Variants in LHFPL3 observed in about 807,000 individuals in gnomAD.
The protein encoded by LHFPL3 is LHFPL tetraspan subfamily member 3 protein.
LHFPL3 carries 5 observed loss-of-function variants against 19.3 expected under a neutral mutation model. The observed-to-expected ratio is 0.26, with a 90% CI of 0.14 to 0.54. The LOEUF (loss-of-function observed/expected upper bound fraction) is 0.54, where lower values mean the gene tolerates loss of function less well. LHFPL3 is among the 20% of genes least tolerant of loss of function. The pLI, the probability that LHFPL3 is intolerant of heterozygous loss-of-function variation, is 0.94. For synonymous variants in LHFPL3, 133 were observed against 126.2 expected (o/e 1.05, Z -0.36); for missense variants, 249 against 307.4 (o/e 0.81, Z 1.42).
At chr7:104,864,178 C>T (rs1791671426) in intron 2 of LHFPL3, among the ~76,000 whole-genome samples, 1 of 152,306 alleles carries the variant, frequency 6.6e-6, no homozygotes, top group Admixed American at 6.5e-5. Context: ...CTACAGCTCC[C>T]AGCATGAGCA....
At chr7:104,453,238 AT>A (rs71519177) in intron 1 of LHFPL3, among the ~76,000 whole-genome samples, 3,181 of 146,748 alleles carry the variant, frequency 0.022, 31 homozygotes, top group African/African-American at 0.029. Context: ...AAGGTGGAGA[AT>A]TTTTTTTTTT....
chr7:104,848,887 T>C (rs1374628479), intron 2 of LHFPL3, among the ~76,000 whole-genome samples: 2 of 152,010 alleles, frequency 1.3e-5, no homozygotes, highest in African/African-American at 4.8e-5. Flanking sequence ...CTCTGCCTTT[T>C]TTTGTTTTTT....
At chr7:104,851,466 T>C (rs1426800478) in intron 2 of LHFPL3, among the ~76,000 whole-genome samples, 1 of 152,168 alleles carries the variant, frequency 6.6e-6, no homozygotes, top group Non-Finnish European at 1.5e-5. Flanking sequence ...CTCAAGAGGA[T>C]AGCTGATTAT....
chr7:104,758,808 C>T (rs1262921335), intron 2 of LHFPL3, among the ~76,000 whole-genome samples: 1 of 152,038 alleles, frequency 6.6e-6, no homozygotes, highest in Non-Finnish European at 1.5e-5. Flanking sequence ...CATTAGAATG[C>T]TCTCTGAGTC....
At chr7:104,578,362 TA>T (rs1271578234) in intron 1 of LHFPL3, among the ~76,000 whole-genome samples, 15 of 152,328 alleles carry the variant, frequency 9.8e-5, no homozygotes, top group South Asian at 2.1e-4. Context: ...CCCATCAGGA[TA>T]AACAGATTTT....
chr7:104,569,317 T>A (rs1171070527), intron 1 of LHFPL3, among the ~76,000 whole-genome samples: 1 of 152,228 alleles, frequency 6.6e-6, no homozygotes, highest in Non-Finnish European at 1.5e-5. Context: ...ATTAGTCATC[T>A]TTGTATCACC....
intron 1 of LHFPL3, among the ~76,000 whole-genome samples, chr7:104,565,719 C>T (rs1790107198): frequency 8.7e-6 from 1 of 115,208 alleles, no homozygotes; most frequent in Non-Finnish European, 1.7e-5. Context: ...TCCTGTCTGT[C>T]TGTCTATCTA....
chr7:104,573,814 T>TTGCAC (rs1403968864), intron 1 of LHFPL3, among the ~76,000 whole-genome samples: 12 of 152,246 alleles, frequency 7.9e-5, no homozygotes, highest in Admixed American at 2.0e-4. Context: ...ATGCTTTGCT[T>TTGCAC]TGCACACTGT....
chr7:104,511,060 A>T lies in LHFPL3; in HGVS notation c.445+181836A>T, dbSNP rs183426976. Among the ~76,000 whole-genome samples, 64 of 152,286 alleles carry T rather than the reference A, an allele frequency of 4.2e-4. No individual in the cohort carries two copies. The East Asian group carries it at 0.012, about 28-fold the overall frequency. On this transcript the variant is annotated intron_variant, in intron 1 of 2. Coordinates refer to ENST00000424859, the MANE Select transcript of LHFPL3 (RefSeq NM_199000.3). Reference sequence around the variant, plus strand: ...TACTCCTGAACTTAAAATAAAAGTTAAAAAAGAAAGAAAGAAAAAGGACTA... The same window carrying T: ...TACTCCTGAACTTAAAATAAAAGTTTAAAAAGAAAGAAAGAAAAAGGACTA...
chr7:104,714,896 A>G (rs762587022), intron 1 of LHFPL3, among the ~76,000 whole-genome samples: 5 of 152,190 alleles, frequency 3.3e-5, no homozygotes, highest in African/African-American at 4.8e-5. Context: ...GCGCATGCAC[A>G]CATGTGTACA....
At chr7:104,533,847 C>G (rs976849104) in intron 1 of LHFPL3, among the ~76,000 whole-genome samples, 5 of 152,146 alleles carry the variant, frequency 3.3e-5, no homozygotes, top group African/African-American at 1.2e-4. Flanking sequence ...ACTCTCTTCT[C>G]TCTCTCTGAT....
intron 1 of LHFPL3, among the ~76,000 whole-genome samples, chr7:104,713,175 G>A (rs1464737991): frequency 6.6e-6 from 1 of 152,170 alleles, no homozygotes; most frequent in Non-Finnish European, 1.5e-5. Flanking sequence ...CCTACTCTGA[G>A]CAAATAGGTA....
intron 1 of LHFPL3, among the ~76,000 whole-genome samples, chr7:104,515,679 T>C (rs1793907115): frequency 6.6e-6 from 1 of 152,292 alleles, no homozygotes; most frequent in Non-Finnish European, 1.5e-5. Flanking sequence ...GAAGAGTTTA[T>C]TGGCATAAGT....
chr7:104,584,547 A>G (rs997238832), intron 1 of LHFPL3, among the ~76,000 whole-genome samples: 1 of 152,166 alleles, frequency 6.6e-6, no homozygotes, highest in African/African-American at 2.4e-5. Flanking sequence ...ACCATTTCCT[A>G]GAAATTAACT....
rs35499793 is a variant in LHFPL3 at position 104,660,004 on chromosome 7, G to GT, written c.446-76656dup. 3.6e-3 allele frequency among the ~76,000 whole-genome samples: 507 copies of GT among 140,484 alleles called. 6 individuals carry two copies. The highest frequency in any genetic ancestry group is 0.011 in the African/African-American group (428 of 38,420). 92.2% of individuals were successfully genotyped at this position (140,484 alleles called of 152,430 possible). A position where few individuals can be genotyped will look rare whatever the true frequency, so the allele number is the denominator to read the frequency against. ...GCCCTCCAGTTTGCCACAGCAACTC[G>GT]TTTTTTTTTTTTTTTGAGACGGAGT... On this transcript the variant is annotated intron_variant, in intron 1 of 2. Transcript: ENST00000424859.
At chr7:104,503,153 T>C (rs1793633597) in intron 1 of LHFPL3, among the ~76,000 whole-genome samples, 1 of 151,806 alleles carries the variant, frequency 6.6e-6, no homozygotes, top group African/African-American at 2.4e-5. Context: ...AATAGGGCAT[T>C]GGTTAAATAA....
chr7:104,543,494 G>A lies in LHFPL3; in HGVS notation c.446-193181G>A, dbSNP rs1378160848. 2.0e-5 allele frequency among the ~76,000 whole-genome samples: 3 copies of A among 151,886 alleles called. No homozygotes were observed. In the South Asian group the frequency reaches 6.2e-4, roughly 32 times the overall value. On this transcript the variant is annotated intron_variant, in intron 1 of 2. Coordinates refer to ENST00000424859, the MANE Select transcript of LHFPL3 (RefSeq NM_199000.3). ...ATTTACTGCGACACTATTCAGAATA[G>A]CAAAGACTTGGAACCAACCCAAATG...
intron 1 of LHFPL3, among the ~76,000 whole-genome samples, chr7:104,638,023 C>T (rs1484563267): frequency 6.6e-6 from 1 of 152,044 alleles, no homozygotes; most frequent in Non-Finnish European, 1.5e-5. Context: ...TATTCATGAG[C>T]ATGGTATGTT....
intron 1 of LHFPL3, among the ~76,000 whole-genome samples, chr7:104,635,969 C>G (rs1791722095): frequency 2.0e-5 from 3 of 152,144 alleles, no homozygotes; most frequent in Admixed American, 2.0e-4. Context: ...GTAGGAAAGA[C>G]TTAATCAGGT....
Sources: allele counts gnomAD v4.1 joint callset (sites outside exome capture counted in the v4.1 genomes callset), GRCh38; gene constraint gnomAD v4.1.1; transcripts MANE v1.5; gene names NCBI Gene and HGNC (gene_info 2026-07-23, HGNC 2026-07-21).